Variants in GTF2IRD2B observed in about 807,000 individuals in gnomAD.
The protein encoded by GTF2IRD2B is general transcription factor II-I repeat domain-containing protein 2B.
GTF2IRD2B carries 10 observed loss-of-function variants against 55.6 expected under a neutral mutation model. The observed-to-expected ratio is 0.18, with a 90% CI of 0.11 to 0.31. The LOEUF (loss-of-function observed/expected upper bound fraction) is 0.31. Among genes scored for constraint, GTF2IRD2B ranks in the 10% least tolerant of loss-of-function variants. The probability of loss-of-function intolerance (pLI) is 1.00; values close to 1 mark genes in which losing one functional copy is unlikely to be tolerated. For missense variants in GTF2IRD2B, 206 were observed against 802.7 expected (o/e 0.26, Z 8.98); for synonymous variants, 107 against 320.5 (o/e 0.33, Z 7.12).
chr7:75,101,910 A>G lies in GTF2IRD2B; in HGVS notation c.-5-7050A>G, dbSNP rs1248962525. ...CCCCATCTCAAAAAAAAAAAAAAAAAAAAGAAAATTAAAAAAAATAAAGTG... is the reference window on the plus strand; with the variant it reads ...CCCCATCTCAAAAAAAAAAAAAAAAGAAAGAAAATTAAAAAAAATAAAGTG... On this transcript the variant is annotated intron_variant, in intron 1 of 15. Transcript: ENST00000472837. 3.3e-5 allele frequency among the ~76,000 whole-genome samples: 5 copies of G among 150,456 alleles called. 1 individual carries two copies. The highest frequency in any genetic ancestry group is 5.9e-5 in the Non-Finnish European group (4 of 67,558).
rs587604731 is a variant in GTF2IRD2B at position 75,119,168 on chromosome 7, T to G, written c.239-1723T>G. Among the ~76,000 whole-genome samples, 627 of 92,270 alleles carry G rather than the reference T, an allele frequency of 6.8e-3. 3 individuals are homozygous for G. The highest frequency in any genetic ancestry group is 0.031 in the Middle Eastern group (3 of 96). The allele number at this position is 92,270 out of a possible 152,430, so 60.5% of individuals were successfully genotyped here. A position where few individuals can be genotyped will look rare whatever the true frequency, so the allele number is the denominator to read the frequency against. On this transcript the variant is annotated intron_variant, in intron 3 of 15. Transcript: ENST00000472837. ...GAGATCATGCCATTGCACTCCAGCT[T>G]AGGCGACAGAGTAAGACTCTCTCAA...
intron 8 of GTF2IRD2B, among the ~76,000 whole-genome samples, chr7:75,126,964 T>C (rs1295355585): frequency 2.1e-5 from 3 of 143,296 alleles, no homozygotes; most frequent in Non-Finnish European, 1.5e-5. Flanking sequence ...ACCACTGCAC[T>C]CCACCTTGGG....
At chr7:75,122,395 A>G (rs1808407862) in intron 4 of GTF2IRD2B, among the ~76,000 whole-genome samples, 1 of 115,516 alleles carries the variant, frequency 8.7e-6, no homozygotes, top group East Asian at 2.5e-4. Flanking sequence ...CAGGAGTTTG[A>G]GACCAGACTG....
chr7:75,097,332 A>T (rs1232563561), intron 1 of GTF2IRD2B, among the ~76,000 whole-genome samples: 4 of 79,792 alleles, frequency 5.0e-5, no homozygotes, highest in African/African-American at 2.2e-4. Flanking sequence ...AAAAAAAAAA[A>T]AGTCAAAATT....
At chr7:75,106,057 T>C (rs1160916919) in intron 1 of GTF2IRD2B, among the ~76,000 whole-genome samples, 1 of 152,306 alleles carries the variant, frequency 6.6e-6, no homozygotes, top group Non-Finnish European at 1.5e-5. Flanking sequence ...AAAGAGACCT[T>C]TGTGAATATT....
chr7:75,145,731 CAAAA>C (rs1239787118), intron 15 of GTF2IRD2B, among the ~76,000 whole-genome samples: 1 of 83,730 alleles, frequency 1.2e-5, no homozygotes. Flanking sequence ...GACTCTGTCT[CAAAA>C]AAAAAAAAAA....
intron 1 of GTF2IRD2B, among the ~76,000 whole-genome samples, chr7:75,104,794 G>T (rs1554421379): frequency 1.3e-5 from 2 of 152,398 alleles, no homozygotes; most frequent in Non-Finnish European, 2.9e-5. Context: ...GCGTCTCATG[G>T]CTGGATGCCG....
At chr7:75,113,814 G>A (rs1554537643) in intron 3 of GTF2IRD2B, among the ~76,000 whole-genome samples, 426 of 137,424 alleles carry the variant, frequency 3.1e-3, no homozygotes, top group African/African-American at 0.011. Context: ...GTGTGTGTGT[G>A]TGTATGTACA....
intron 1 of GTF2IRD2B, among the ~76,000 whole-genome samples, chr7:75,106,170 A>T (rs1807798752): frequency 1.3e-5 from 2 of 152,424 alleles, no homozygotes; most frequent in African/African-American, 4.8e-5. Context: ...TGGGAGGCTG[A>T]GGCGGGCAGA....
chr7:75,119,992 G>C (rs1284930747), intron 3 of GTF2IRD2B, among the ~76,000 whole-genome samples: 1 of 129,434 alleles, frequency 7.7e-6, no homozygotes, highest in Non-Finnish European at 1.6e-5. Flanking sequence ...AGCCGGGCGT[G>C]GTGGCAGGCA....
rs782404540 is a variant in GTF2IRD2B at position 75,092,781 on chromosome 7, C to CCGCCGCCGA, written c.-6+33_-6+41dup. ...GCGCCCTCAGGTGCGTACCCCGCCC[C>CCGCCGCCGA]CGCCGCCGACGCCGCCGACGCCGCC... On this transcript the variant is annotated intron_variant, in intron 1 of 15. Coordinates refer to ENST00000472837, the MANE Select transcript of GTF2IRD2B (RefSeq NM_001003795.3). The CCGCCGCCGA allele has an allele frequency of 6.6e-4, 101 of 153,830 alleles. No homozygotes were observed. The highest frequency in any genetic ancestry group is 1.8e-3 in the South Asian group (10 of 5,686). 9.5% of individuals were successfully genotyped at this position (153,830 alleles called of 1,614,324 possible).
At chr7:75,118,392 C>A (rs1352879139) in intron 3 of GTF2IRD2B, among the ~76,000 whole-genome samples, 2 of 151,372 alleles carry the variant, frequency 1.3e-5, no homozygotes, top group African/African-American at 4.9e-5. Flanking sequence ...ACATGGACAA[C>A]CCCACAGGCT....
chr7:75,109,369 T>C (rs1807894790), intron 2 of GTF2IRD2B, among the ~76,000 whole-genome samples: 1 of 146,180 alleles, frequency 6.8e-6, no homozygotes. Context: ...GACAGAGTCT[T>C]GCTCTGCTGC....
chr7:75,105,397 G>A (rs1438233156), intron 1 of GTF2IRD2B, among the ~76,000 whole-genome samples: 5 of 152,412 alleles, frequency 3.3e-5, no homozygotes, highest in East Asian at 3.9e-4. Context: ...CCAACTACTC[G>A]GGGGGTTGAG....
chr7:75,115,768 C>T (rs1350412180), intron 3 of GTF2IRD2B, among the ~76,000 whole-genome samples: 36 of 150,814 alleles, frequency 2.4e-4, no homozygotes, highest in African/African-American at 3.4e-4. Context: ...TTAATTTGTA[C>T]GAGAAATGCC....
At chr7:75,115,463 G>A (rs1554537407) in intron 3 of GTF2IRD2B, among the ~76,000 whole-genome samples, 12 of 143,024 alleles carry the variant, frequency 8.4e-5, no homozygotes, top group African/African-American at 2.8e-4. Context: ...TCGCTCTATC[G>A]CCCAGGCTGG....
chr7:75,103,912 G>T (rs1807670400), intron 1 of GTF2IRD2B, among the ~76,000 whole-genome samples: 1 of 148,482 alleles, frequency 6.7e-6, no homozygotes, highest in African/African-American at 2.5e-5. Flanking sequence ...CACGCGTATA[G>T]TCCCAGCTAC....
At chr7:75,108,635 T>C (rs11763711) in intron 1 of GTF2IRD2B, among the ~76,000 whole-genome samples, 14,309 of 31,200 alleles carry the variant, frequency 0.46, 5,932 homozygotes, top group Middle Eastern at 0.75. Flanking sequence ...TGGCGCTCAC[T>C]TGTAGTCCCA....
At chr7:75,147,165 G>T (rs1466362768) in intron 15 of GTF2IRD2B, among the ~76,000 whole-genome samples, 1 of 151,832 alleles carries the variant, frequency 6.6e-6, no homozygotes, top group Non-Finnish European at 1.5e-5. Flanking sequence ...GGGTGCAGTG[G>T]CTCATGCCTG....
Sources: allele counts gnomAD v4.1 joint callset (sites outside exome capture counted in the v4.1 genomes callset), GRCh38; gene constraint gnomAD v4.1.1; transcripts MANE v1.5; gene names NCBI Gene and HGNC (gene_info 2026-07-23, HGNC 2026-07-21).